CXADR: variants seen among roughly 807,000 people sequenced by gnomAD.
CXADR encodes the protein coxsackievirus and adenovirus receptor.
A neutral mutation model predicts 40.3 loss-of-function variants in CXADR; 20 were observed. The ratio of observed to expected loss-of-function variants is 0.50; its 90% CI spans 0.35 to 0.72. CXADR has a LOEUF of 0.72. Among genes scored for constraint, CXADR ranks in the 30% least tolerant of loss-of-function variants. The probability of loss-of-function intolerance (pLI) is 0.01; values close to 1 mark genes in which losing one functional copy is unlikely to be tolerated. For missense variants in CXADR, 332 were observed against 449.1 expected, an observed-to-expected ratio of 0.74 and a Z score of 2.36; for synonymous variants, 150 against 161.3, an observed-to-expected ratio of 0.93 and a Z score of 0.53.
At chr21:17,570,215 T>A (rs567125053), downstream of CXADR, 2 of 980,428 alleles carry the variant, frequency 2.0e-6, no homozygotes, top group East Asian at 2.3e-4. Flanking sequence ...GTGTATCCTC[T>A]AAACAGAAAG....
chr21:17,622,676 TAGA>T, the CXADR span, among the ~76,000 whole-genome samples: 2 of 152,200 alleles, frequency 1.3e-5, no homozygotes, highest in African/African-American at 4.8e-5. Flanking sequence ...GTATTATGTA[TAGA>T]AGGAGAGTAG....
chr21:17,626,827 A>G, the CXADR span: 1 of 152,214 alleles, frequency 6.6e-6, no homozygotes, highest in Non-Finnish European at 1.5e-5. Context: ...AAGGTAAAGA[A>G]GCCATAATAT....
the CXADR span, chr21:17,626,785 G>C: frequency 6.6e-6 from 1 of 152,156 alleles, no homozygotes; most frequent in Non-Finnish European, 1.5e-5. Flanking sequence ...CTCAAGAACT[G>C]TTTGTTGAAT....
chr21:17,547,301 C>A, intron 2 of CXADR, 108 bp downstream of exon 2: 8 of 1,470,958 alleles, frequency 5.4e-6, no homozygotes, highest in Non-Finnish European at 6.4e-6. Context: ...AGGAAGGAAG[C>A]CCCCCAACTT....
In CXADR at chr21:17,543,563, C is replaced by G. The variant is rs1044791047; in HGVS notation, c.44-3464C>G. On this transcript the variant is annotated intron_variant, in intron 1 of 6. Transcript: ENST00000284878. ...ATATATTCTTAGCTCCATATTTGAACTATTTCTTGGTTTGTTTTGGAATGA... is the reference window on the plus strand; with the variant it reads ...ATATATTCTTAGCTCCATATTTGAAGTATTTCTTGGTTTGTTTTGGAATGA... Among the ~76,000 whole-genome samples, 6 of 152,016 alleles carry G rather than the reference C, an allele frequency of 3.9e-5. No homozygotes were observed. In the South Asian group the frequency reaches 6.3e-4, roughly 16 times the overall value.
At chr21:17,546,933 C>A in intron 1 of CXADR, 94 bp from the exon 2 acceptor site, 1 of 1,450,048 alleles carries the variant, frequency 6.9e-7, no homozygotes, top group Non-Finnish European at 9.5e-7. Flanking sequence ...CTGTATCCCT[C>A]GCATCAATGT....
In CXADR at chr21:17,568,557, C is replaced by CTTT. The variant is rs71333559; in HGVS notation, c.*2880_*2882dup. The CTTT allele has an allele frequency of 4.6e-4, 401 of 879,850 alleles. No individual in the cohort carries two copies. Among genetic ancestry groups the CTTT allele is most frequent in the African/African-American group, 1.5e-3 (75 of 50,384 alleles). 54.5% of individuals were successfully genotyped at this position (879,850 alleles called of 1,614,324 possible). On this transcript the variant is annotated 3_prime_UTR_variant, in exon 7 of 7. Coordinates refer to ENST00000284878, the MANE Select transcript of CXADR (RefSeq NM_001338.5). ...TTACTGTAGAATATATAGTTCTGTA[C>CTTT]TTTTTTTTTTTTTTTTTAAGAGATA... is the stretch of plus-strand genomic sequence containing the variant.
chr21:17,635,185 A>G, the CXADR span, among the ~76,000 whole-genome samples: 4 of 152,222 alleles, frequency 2.6e-5, no homozygotes, highest in Non-Finnish European at 5.9e-5. Context: ...TAAGACCTAG[A>G]GACGTAAAGT....
intron 3 of CXADR, among the ~76,000 whole-genome samples, chr21:17,556,071 C>T (rs1405326507): frequency 6.6e-6 from 1 of 152,176 alleles, no homozygotes; most frequent in Non-Finnish European, 1.5e-5. Flanking sequence ...TGGTCACATA[C>T]CCATATCTGA....
At position 17,515,630 on chromosome 21, in the gene CXADR, T is replaced by C. The variant is rs150870215; in HGVS notation, c.43+2458T>C. Among the ~76,000 whole-genome samples, 586 of 152,096 alleles carry C rather than the reference T, an allele frequency of 3.9e-3. 6 individuals carry two copies. The highest frequency in any genetic ancestry group is 0.013 in the African/African-American group (537 of 41,468). ...ATCGAGACCATCCTGGCTAACACGGTGAAACCCCGTCCCTACTAAAAATAC... is the reference window on the plus strand; with the variant it reads ...ATCGAGACCATCCTGGCTAACACGGCGAAACCCCGTCCCTACTAAAAATAC... On this transcript the variant is annotated intron_variant, in intron 1 of 6. Transcript: ENST00000284878.
intron 3 of CXADR, among the ~76,000 whole-genome samples, chr21:17,552,522 A>G (rs1272029465): frequency 6.6e-6 from 1 of 152,194 alleles, no homozygotes; most frequent in African/African-American, 2.4e-5. Flanking sequence ...GCCAAAGACT[A>G]CAGAGTTTAT....
chr21:17,544,521 GCTGCAGAGAGCTGGTCTAGA>G (rs11272817), intron 1 of CXADR, among the ~76,000 whole-genome samples: 24,891 of 152,128 alleles, frequency 0.16, 2,264 homozygotes, highest in East Asian at 0.23. Context: ...CAACAGTGGG[GCTGCAGAGAGCTGGTCTAGA>G]CTAGGGCTGA....
chr21:17,545,072 GTTTTTTTTTTTTTT>G (rs869189508), intron 1 of CXADR, among the ~76,000 whole-genome samples: 1 of 55,424 alleles, frequency 1.8e-5, no homozygotes, highest in South Asian at 9.5e-4. Context: ...GCTCTAATGT[GTTTTTTTTTTTTTT>G]TTTTTTTTTT....
downstream of CXADR, chr21:17,594,055 T>C: frequency 6.3e-7 from 1 of 1,597,176 alleles, no homozygotes; most frequent in Non-Finnish European, 8.5e-7. Flanking sequence ...TTATTCTACC[T>C]TTTTCTCAAC....
intron 7 of CXADR, among the ~76,000 whole-genome samples, chr21:17,584,050 G>T (rs1298466412): frequency 1.3e-5 from 2 of 152,204 alleles, no homozygotes; most frequent in African/African-American, 4.8e-5. Context: ...GTGTTTGTGT[G>T]TGTATGTGTA....
intron 7 of CXADR, among the ~76,000 whole-genome samples, chr21:17,584,846 A>AACTC (rs2061383858): frequency 6.6e-6 from 1 of 152,118 alleles, no homozygotes; most frequent in Non-Finnish European, 1.5e-5. Flanking sequence ...AACAAACAAA[A>AACTC]ACTCAAATAA....
the CXADR span, among the ~76,000 whole-genome samples, chr21:17,603,314 C>T: frequency 1.3e-5 from 2 of 152,220 alleles, no homozygotes; most frequent in Non-Finnish European, 2.9e-5. Context: ...TTTTCTCAGA[C>T]CTAAATTTGA....
At chr21:17,593,101 T>C (rs1053127513) in intron 7 of CXADR, 133 of 1,297,096 alleles carry the variant, frequency 1.0e-4, no homozygotes, top group Non-Finnish European at 8.3e-5. Context: ...AATTTACCTT[T>C]GGAGAAAAAT....
intron 7 of CXADR, among the ~76,000 whole-genome samples, chr21:17,583,012 TAGAAA>T (rs2061371775): frequency 6.6e-6 from 1 of 152,208 alleles, no homozygotes; most frequent in Non-Finnish European, 1.5e-5. Flanking sequence ...GAGAACGTGA[TAGAAA>T]AGATATCAGT....
Sources: allele counts gnomAD v4.1 joint callset (sites outside exome capture counted in the v4.1 genomes callset), GRCh38; gene constraint gnomAD v4.1.1; transcripts MANE v1.5; gene names NCBI Gene and HGNC (gene_info 2026-07-23, HGNC 2026-07-21).